SRCAP: variants seen among roughly 807,000 people sequenced by gnomAD.
SRCAP encodes Snf2 related CREBBP activator protein.
In SRCAP, 46 loss-of-function variants were observed where a neutral mutation model predicts 263.1. The ratio of observed to expected loss-of-function variants is 0.17; its 90% CI spans 0.14 to 0.22. The LOEUF is 0.22. SRCAP is among the 10% of genes least tolerant of loss of function. The probability of loss-of-function intolerance (pLI) is 1.00; values close to 1 mark genes in which losing one functional copy is unlikely to be tolerated. For missense variants in SRCAP, 3,695 were observed against 4,181.9 expected (o/e 0.88, Z 3.21); for synonymous variants, 1,813 against 1,662.1 (o/e 1.09, Z -2.21).
Position 30,738,624 on chromosome 16 carries a change from A to G in SRCAP, c.8584A>G (p.Arg2862Gly). The G allele has an allele frequency of 1.2e-6, 2 of 1,603,142 alleles. No homozygotes were observed. Among genetic ancestry groups the G allele is most frequent in the African/African-American group, 1.3e-5 (1 of 74,462 alleles). ...TPPAVKRRRG[R>G]PPKKNRSPAD... ...ACCTGCTGTGAAACGTCGGAGGGGGAGGCCCCCCAAGAAGAACAGGTCTCC... is the reference window on the plus strand; with the variant it reads ...ACCTGCTGTGAAACGTCGGAGGGGGGGGCCCCCCAAGAAGAACAGGTCTCC... Residue 2862 changes from arginine (R) to glycine (G), a missense_variant, in exon 34 of 34, where the codon AGG becomes GGG. Arg to Gly is a moderately radical substitution (Grantham distance 125). Around this residue, in one of 12 missense-constraint regions of SRCAP, gnomAD observed 1,207 missense variants for 1,142.9 expected, o/e 1.06. Transcript: ENST00000262518.
chr16:30,734,371 C>G, intron 30 of SRCAP, 125 bp from the exon 31 acceptor site: 1 of 1,397,738 alleles, frequency 7.2e-7, no homozygotes, highest in Non-Finnish European at 9.8e-7. Context: ...ACTGCTTTGG[C>G]CTTCACAGAC....
In SRCAP at chr16:30,711,643, A is replaced by G. The variant is rs1485334969; in HGVS notation, c.1391A>G (p.Asp464Gly). The G allele has an allele frequency of 1.2e-6, 2 of 1,613,960 alleles. No individual in the cohort carries two copies. Among genetic ancestry groups the G allele is most frequent in the African/African-American group, 1.3e-5 (1 of 74,912 alleles). ...GCCCCAGGCTCTGGGAGCAGTGAAG[A>G]TGAGGATGAAGATGAGGTTGATGCT... ...AYAPGSGSSE[D>G]EDEDEVDANS... is the part of the protein sequence containing the mutation. The change falls in exon 11 of 34, where the codon GAT (aspartate) becomes GGT (glycine). Residue 464 changes from aspartate to glycine, a missense_variant. By Grantham distance (94) the Asp-to-Gly change is moderately conservative. This residue lies in a region of SRCAP where 288 missense variants were observed against 302.4 expected (regional missense o/e 0.95). Coordinates refer to ENST00000262518, the MANE Select transcript of SRCAP (RefSeq NM_006662.3).
rs2053162491 is a variant in SRCAP, at chr16:30,736,573, C to T, written c.6957C>T (p.Phe2319=). 1 of 1,614,098 alleles carries T rather than the reference C, an allele frequency of 6.2e-7. No individual in the cohort carries two copies. Among genetic ancestry groups the T allele is most frequent in the Non-Finnish European group, 8.5e-7 (1 of 1,180,050 alleles). The change falls in exon 33 of 34, where the codon TTC becomes TTT. Residue 2319 remains phenylalanine, a synonymous_variant. Coordinates refer to ENST00000262518, the MANE Select transcript of SRCAP (RefSeq NM_006662.3). ...LTPIERYAMK[F]LEASLEEVSR... ...CCATTGAGCGCTATGCCATGAAATT[C>T]CTGGAGGCCTCACTGGAGGAGGTGA...
chr16:30,730,774 TCTC>T lies in SRCAP; in HGVS notation c.6127+1205_6127+1207del, dbSNP rs369221978. Among the ~76,000 whole-genome samples the T allele has an allele frequency of 1.5e-3, 232 of 150,110 alleles. 4 individuals carry two copies. The South Asian group carries it at 0.047, about 31-fold the overall frequency. Reference sequence around the variant, plus strand: ...GGAGTTTCGCTGTGTTTCAAGGTATTCTCCTGCCTCAGCCTCCCGAGTAGCTGG... The same window carrying T: ...GGAGTTTCGCTGTGTTTCAAGGTATTCTGCCTCAGCCTCCCGAGTAGCTGG... On this transcript the variant is annotated intron_variant, in intron 27 of 33. Coordinates refer to ENST00000262518, the MANE Select transcript of SRCAP (RefSeq NM_006662.3).
chr16:30,709,060 C>T (rs1405664238), intron 6 of SRCAP, among the ~76,000 whole-genome samples: 2 of 152,124 alleles, frequency 1.3e-5, no homozygotes, highest in Non-Finnish European at 2.9e-5. Flanking sequence ...CTCACGTGAT[C>T]CTCCCACTTC....
chr16:30,704,344 C>A (rs181109795), intron 4 of SRCAP, 29 bp downstream of exon 4: 4 of 1,550,886 alleles, frequency 2.6e-6, no homozygotes, highest in Non-Finnish European at 3.5e-6. Flanking sequence ...TATGAAGATT[C>A]TTGGGAGTTA....
chr16:30,713,612 G>A lies in SRCAP; in HGVS notation c.2394G>A (p.Gln798=). The part of the protein sequence containing the change: ...LMHFLMPHVF[Q]SHREFKEWFS... Reference sequence around the variant, plus strand: ...ACTTTTTGATGCCCCATGTCTTCCAGTCTCATCGCGAGTTCAAGGAGTGGT... The same window carrying A: ...ACTTTTTGATGCCCCATGTCTTCCAATCTCATCGCGAGTTCAAGGAGTGGT... Residue 798 remains glutamine (Q), a synonymous_variant, in exon 16 of 34, where the codon CAG becomes CAA. Transcript: ENST00000262518. The A allele has an allele frequency of 1.2e-6, 2 of 1,614,158 alleles. No individual in the cohort carries two copies. The highest frequency in any genetic ancestry group is 8.5e-7 in the Non-Finnish European group (1 of 1,180,028).
At chr16:30,725,403 C>T (rs955361351) in intron 25 of SRCAP, 11 of 316,102 alleles carry the variant, frequency 3.5e-5, no homozygotes, top group Non-Finnish European at 6.5e-5. Context: ...TTTCCGGTAG[C>T]TGTTTCTTTC....
chr16:30,723,622 C>G lies in SRCAP; in HGVS notation c.4198C>G (p.Pro1400Ala). 6.2e-7 allele frequency: 1 copy of G among 1,613,000 alleles called. No homozygotes were observed. Among genetic ancestry groups the G allele is most frequent in the African/African-American group, 1.3e-5 (1 of 74,954 alleles). ...AGCTGCCCCCTTGACCATCTCTTCT[C>G]CTCTCCACGTGCCATCCTCCCTCCC... ...PGAAPLTISS[P>A]LHVPSSLPGP... is the part of the protein sequence containing the mutation. Residue 1400 changes from proline (P) to alanine (A), a missense_variant, in exon 25 of 34, where the codon CCT (proline) becomes GCT (alanine). Pro to Ala is a conservative substitution (Grantham distance 27). Transcript: ENST00000262518.
chr16:30,738,969 C>G lies in SRCAP; in HGVS notation c.8929C>G (p.Pro2977Ala). 1 of 1,613,662 alleles carries G rather than the reference C, an allele frequency of 6.2e-7. No homozygotes were observed. The highest frequency in any genetic ancestry group is 8.5e-7 in the Non-Finnish European group (1 of 1,179,756). Residue 2977 changes from proline (P) to alanine (A), a missense_variant, in exon 34 of 34, where the codon CCA becomes GCA. Pro to Ala is a conservative substitution (Grantham distance 27). Transcript: ENST00000262518. ...QPPPHPSPLT[P>A]LPPLLVCPTA... ...ACCCCCACACCCATCACCCCTAACC[C>G]CACTCCCACCACTGCTAGTTTGTCC... is the stretch of plus-strand genomic sequence containing the variant.
intron 16 of SRCAP, among the ~76,000 whole-genome samples, chr16:30,714,963 A>G (rs1184160875): frequency 6.6e-6 from 1 of 151,852 alleles, no homozygotes; most frequent in Non-Finnish European, 1.5e-5. Context: ...TTTTCGCCCA[A>G]CTTTTAAATC....
At position 30,711,998 on chromosome 16, in the gene SRCAP, G is replaced by A; in HGVS notation, c.1656G>A (p.Glu552=). The change falls in exon 12 of 34, where the codon GAG becomes GAA. Residue 552 remains glutamate, a synonymous_variant. Transcript: ENST00000262518. ...EEEEDDDFGV[E]YLLARDEEQS... The stretch of plus-strand genomic sequence containing the variant: ...AGGAAGATGATGATTTTGGGGTGGA[G>A]TACTTGCTTGCCAGGGATGAAGAGC... The A allele has an allele frequency of 6.2e-7, 1 of 1,614,096 alleles. No individual in the cohort carries two copies. Among genetic ancestry groups the A allele is most frequent in the Non-Finnish European group, 8.5e-7 (1 of 1,180,040 alleles).
At chr16:30,725,404 T>A (rs2053055084) in intron 25 of SRCAP, 1 of 316,546 alleles carries the variant, frequency 3.2e-6, no homozygotes, top group East Asian at 8.0e-5. Flanking sequence ...TTCCGGTAGC[T>A]GTTTCTTTCC....
Position 30,737,477 on chromosome 16 carries a change from C to A in SRCAP, c.7437C>A (p.Val2479=). 1 of 1,590,756 alleles carries A rather than the reference C, an allele frequency of 6.3e-7. No individual in the cohort carries two copies. The highest frequency in any genetic ancestry group is 8.6e-7 in the Non-Finnish European group (1 of 1,161,934). ...CAAATCCAATAACCATTCTCCCTGT[C>A]CATATCTTGCCTTCTCCTCCCCCTC... The part of the protein sequence containing the change: ...SAPNPITILP[V]HILPSPPPPS... The change falls in exon 34 of 34, where the codon GTC becomes GTA. Residue 2479 remains valine, a synonymous_variant. Transcript: ENST00000262518.
intron 12 of SRCAP, 32 bp downstream of exon 12, chr16:30,712,189 T>C (rs762874914): frequency 5.0e-6 from 8 of 1,605,224 alleles, no homozygotes; most frequent in Middle Eastern, 1.7e-4. Context: ...TCCTTTCTCA[T>C]GTCTTGACTT....
Position 30,702,196 on chromosome 16 carries a change from G to A in SRCAP, c.54+1318G>A, listed in dbSNP as rs1037067987. ...CTTCATCTTTGACCTCGTGATCCCC[G>A]CCTTACTCAGCCTCTCAAAAGTGCT... On this transcript the variant is annotated intron_variant, in intron 3 of 33. Coordinates refer to ENST00000262518, the MANE Select transcript of SRCAP (RefSeq NM_006662.3). Among the ~76,000 whole-genome samples the A allele has an allele frequency of 3.3e-5, 5 of 150,560 alleles. No homozygotes were observed. In the South Asian group the frequency reaches 6.3e-4, roughly 19 times the overall value.
In SRCAP at chr16:30,733,487, C is replaced by T. The variant is rs369283828; in HGVS notation, c.6297+38C>T. The T allele has an allele frequency of 1.7e-4, 277 of 1,612,170 alleles. 2 individuals are homozygous for T. Among genetic ancestry groups the T allele is most frequent in the South Asian group, 1.1e-3 (101 of 90,956 alleles). On this transcript the variant is annotated intron_variant, in intron 28 of 33. Transcript: ENST00000262518. This position sits in a 1 kb window ranked among gnomAD's most constrained non-coding sequence, Gnocchi z 5.3. The stretch of plus-strand genomic sequence containing the variant: ...TCTGCAGCTCTTAGAGGCTCACCTC[C>T]GCTTCTCTCTCCTTTTCCCAGGATT...
rs1313456454 is a variant in SRCAP at position 30,723,680 on chromosome 16, A to C, written c.4256A>C (p.Asn1419Thr). The change falls in exon 25 of 34, where the codon AAC becomes ACC. Residue 1419 changes from asparagine (N) to threonine (T), a missense_variant. By Grantham distance (65) the Asn-to-Thr change is moderately conservative. Coordinates refer to ENST00000262518, the MANE Select transcript of SRCAP (RefSeq NM_006662.3). ...GCCTCTTCTCCAATGCCAATTCCCA[A>C]CTCCTCTCCCCTTGCTAGTCCTGTG... ...GPASSPMPIP[N>T]SSPLASPVSS... 13 of 1,611,816 alleles carry C rather than the reference A, an allele frequency of 8.1e-6. No individual in the cohort carries two copies. The highest frequency in any genetic ancestry group is 1.7e-4 in the Middle Eastern group (1 of 6,056).
chr16:30,706,531 AGACAATCAGT>A (rs2052829195), intron 4 of SRCAP, among the ~76,000 whole-genome samples: 1 of 152,238 alleles, frequency 6.6e-6, no homozygotes. Flanking sequence ...TTTAAATAAA[AGACAATCAGT>A]GTAGAAGCTT....
Sources: gnomAD v4.1 joint callset for allele counts (sites outside exome capture counted in the v4.1 genomes callset) on GRCh38, gnomAD v4.1.1 for gene constraint, gnomAD v4.1.1 regional missense constraint, Gnocchi (gnomAD v3.1) non-coding constraint, MANE v1.5 for transcripts, NCBI Gene and HGNC (gene_info 2026-07-23, HGNC 2026-07-21) for gene names.